Variants in ZNF385B observed in about 807,000 individuals in gnomAD.
The protein encoded by ZNF385B is zinc finger protein 385B.
A neutral mutation model predicts 39.2 loss-of-function variants in ZNF385B; 23 were observed. That is an observed-to-expected ratio of 0.59 (90% CI 0.42 to 0.83). The LOEUF (loss-of-function observed/expected upper bound fraction) is 0.83, where lower values mean the gene tolerates loss of function less well. Among genes scored for constraint, ZNF385B ranks in the 40% least tolerant of loss-of-function variants. The pLI is 0.00. For synonymous variants in ZNF385B, 205 were observed against 222.6 expected, an observed-to-expected ratio of 0.92 and a Z score of 0.70; for missense variants, 552 against 598.9, an observed-to-expected ratio of 0.92 and a Z score of 0.82.
chr2:179,745,381 A>G (rs746730609), intron 3 of ZNF385B, among the ~76,000 whole-genome samples: 5 of 152,164 alleles, frequency 3.3e-5, no homozygotes, highest in Non-Finnish European at 5.9e-5. Flanking sequence ...AACACTGCTA[A>G]TTACCTACTT....
chr2:179,767,691 C>T (rs984196219), intron 3 of ZNF385B, among the ~76,000 whole-genome samples: 8 of 152,068 alleles, frequency 5.3e-5, no homozygotes, highest in African/African-American at 1.7e-4. Flanking sequence ...TACGCATGCA[C>T]ACATGATAGC....
chr2:179,447,408 A>G (rs2049611315), intron 6 of ZNF385B, among the ~76,000 whole-genome samples: 1 of 152,222 alleles, frequency 6.6e-6, no homozygotes, highest in African/African-American at 2.4e-5. Context: ...AATGACATTA[A>G]CCATAAGCAC....
At chr2:179,492,940 A>C (rs1035239879) in intron 5 of ZNF385B, among the ~76,000 whole-genome samples, 1 of 152,134 alleles carries the variant, frequency 6.6e-6, no homozygotes, top group African/African-American at 2.4e-5. Context: ...GTTTTCATTC[A>C]AAATTAATTG....
chr2:179,530,762 G>A (rs940986582), intron 4 of ZNF385B, among the ~76,000 whole-genome samples: 1 of 152,058 alleles, frequency 6.6e-6, no homozygotes. Context: ...CCCCATAATG[G>A]GGGCCAACAC....
chr2:179,498,813 AAAAAG>A (rs1483369848), intron 5 of ZNF385B, among the ~76,000 whole-genome samples: 4 of 151,856 alleles, frequency 2.6e-5, no homozygotes, highest in African/African-American at 7.2e-5. Flanking sequence ...TTTTGTAGAA[AAAAAG>A]AATAGAGTAG....
At chr2:179,458,625 G>T (rs1383170957) in intron 6 of ZNF385B, among the ~76,000 whole-genome samples, 1 of 152,126 alleles carries the variant, frequency 6.6e-6, no homozygotes, top group South Asian at 2.1e-4. Flanking sequence ...TGTAAGAGAA[G>T]TATATATCTA....
intron 3 of ZNF385B, among the ~76,000 whole-genome samples, chr2:179,607,141 G>A (rs1033296303): frequency 4.6e-5 from 7 of 152,128 alleles, no homozygotes; most frequent in African/African-American, 1.4e-4. Context: ...TCAGGACATG[G>A]GATGAATAAG....
chr2:179,736,998 G>T (rs1490228081), intron 3 of ZNF385B, among the ~76,000 whole-genome samples: 1 of 152,082 alleles, frequency 6.6e-6, no homozygotes, highest in African/African-American at 2.4e-5. Flanking sequence ...CTTTATACTG[G>T]AGTAAATGCA....
Position 179,789,810 on chromosome 2 carries a change from A to G in ZNF385B, c.-154-19138T>C, listed in dbSNP as rs1053176704. Among the ~76,000 whole-genome samples, 4 of 152,188 alleles carry G rather than the reference A, an allele frequency of 2.6e-5. No homozygotes were observed. The East Asian group carries it at 5.8e-4, about 22-fold the overall frequency. ...AATTTTAAAAGGACTCGTGCCAAAC[A>G]TAAGAGAAGTTTGCCTATTTGGGGA... On this transcript the variant is annotated intron_variant, in intron 1 of 9. Coordinates refer to ENST00000410066, the MANE Select transcript of ZNF385B (RefSeq NM_152520.6).
intron 4 of ZNF385B, among the ~76,000 whole-genome samples, chr2:179,530,707 TA>T (rs1445614188): frequency 2.0e-5 from 3 of 152,248 alleles, no homozygotes; most frequent in Admixed American, 2.0e-4. Flanking sequence ...TCTGTTCGAA[TA>T]TATTTCTTCA....
At chr2:179,740,507 C>T (rs1575397628) in intron 3 of ZNF385B, among the ~76,000 whole-genome samples, 1 of 152,240 alleles carries the variant, frequency 6.6e-6, no homozygotes. Context: ...TAGAATTCTT[C>T]AAATTAGGAA....
intron 3 of ZNF385B, among the ~76,000 whole-genome samples, chr2:179,730,691 G>GATATTGAATTTTGAT (rs1462583489): frequency 1.0e-3 from 154 of 152,250 alleles, no homozygotes; most frequent in African/African-American, 3.6e-3. Context: ...CAAAATTTAA[G>GATATTGAATTTTGAT]CTCAATAAAT....
At chr2:179,827,174 G>C (rs1707725029) in intron 1 of ZNF385B, among the ~76,000 whole-genome samples, 1 of 152,166 alleles carries the variant, frequency 6.6e-6, no homozygotes. Flanking sequence ...GGCATGCAGG[G>C]GAGAAGGAGC....
chr2:179,783,894 C>T (rs1441997526), intron 1 of ZNF385B, among the ~76,000 whole-genome samples: 7 of 152,116 alleles, frequency 4.6e-5, no homozygotes, highest in African/African-American at 1.4e-4. Context: ...TTAGTTCAAC[C>T]ATTGTGGAAC....
At chr2:179,753,421 G>T (rs1002726531) in intron 3 of ZNF385B, among the ~76,000 whole-genome samples, 2 of 152,276 alleles carry the variant, frequency 1.3e-5, no homozygotes, top group East Asian at 3.9e-4. Flanking sequence ...GGCAATGTGG[G>T]CTCTTTTTTG....
At chr2:179,674,174 A>G (rs1215784864) in intron 3 of ZNF385B, among the ~76,000 whole-genome samples, 1 of 152,198 alleles carries the variant, frequency 6.6e-6, no homozygotes, top group Admixed American at 6.5e-5. Flanking sequence ...GATTTAAATG[A>G]ACATCTACTC....
In ZNF385B at chr2:179,508,047, A is replaced by T. The variant is rs538572060; in HGVS notation, c.552+10481T>A. On this transcript the variant is annotated intron_variant, in intron 5 of 9. Transcript: ENST00000410066. ...TCTTCTGCAGAATGTTCTAAACGGT[A>T]TTAAATTAGTCTCTTACTTGAAAGC... Among the ~76,000 whole-genome samples the T allele has an allele frequency of 6.2e-4, 95 of 152,134 alleles. No homozygotes were observed. In the South Asian group the frequency reaches 0.019, roughly 30 times the overall value.
At chr2:179,561,589 A>G (rs1210630617) in intron 3 of ZNF385B, among the ~76,000 whole-genome samples, 3 of 151,424 alleles carry the variant, frequency 2.0e-5, no homozygotes, top group South Asian at 2.1e-4. Context: ...TTCTGATAAT[A>G]TATTTATCCA....
chr2:179,627,606 C>T (rs891375722), intron 3 of ZNF385B, among the ~76,000 whole-genome samples: 2 of 152,168 alleles, frequency 1.3e-5, no homozygotes, highest in South Asian at 4.1e-4. Flanking sequence ...GAGTACACAT[C>T]TCTTCTCAAC....
Sources: gnomAD v4.1 joint callset for allele counts (sites outside exome capture counted in the v4.1 genomes callset) on GRCh38, gnomAD v4.1.1 for gene constraint, MANE v1.5 for transcripts, NCBI Gene and HGNC (gene_info 2026-07-23, HGNC 2026-07-21) for gene names.